CNTNAP2: variants seen among roughly 807,000 people sequenced by gnomAD.
CNTNAP2 encodes contactin-associated protein-like 2.
CNTNAP2 carries 98 observed loss-of-function variants against 155.2 expected under a neutral mutation model. The observed-to-expected ratio is 0.63, with a 90% CI of 0.54 to 0.75. CNTNAP2 has a LOEUF of 0.75. Ranked by LOEUF, CNTNAP2 falls within the 30% of genes least tolerant of loss-of-function variation. The pLI, the probability that CNTNAP2 is intolerant of heterozygous loss-of-function variation, is 0.00. For synonymous variants in CNTNAP2, 651 were observed against 631.2 expected (o/e 1.03, Z -0.47); for missense variants, 1,727 against 1,688.1 (o/e 1.02, Z -0.40).
intron 1 of CNTNAP2, among the ~76,000 whole-genome samples, chr7:146,388,091 TA>T (rs1234007165): frequency 6.6e-5 from 10 of 151,766 alleles, no homozygotes; most frequent in African/African-American, 2.2e-4. Context: ...AGTTTCTTTT[TA>T]TTTTTTTTTT....
intron 3 of CNTNAP2, among the ~76,000 whole-genome samples, chr7:146,893,922 C>A (rs543456539): frequency 1.3e-5 from 2 of 152,212 alleles, no homozygotes; most frequent in South Asian, 2.1e-4. Flanking sequence ...GGGTACAAAC[C>A]GAGCTATGTA....
Position 148,058,411 on chromosome 7 carries a change from G to A in CNTNAP2, c.2384-59707G>A, listed in dbSNP as rs893446647. 4.3e-4 allele frequency among the ~76,000 whole-genome samples: 65 copies of A among 152,124 alleles called. 1 individual carries two copies. Among genetic ancestry groups the A allele is most frequent in the Non-Finnish European group, 2.5e-4 (17 of 68,028 alleles). On this transcript the variant is annotated intron_variant, in intron 15 of 23. Coordinates refer to ENST00000361727, the MANE Select transcript of CNTNAP2 (RefSeq NM_014141.6). ...GCAGCCTACCTCCAGGGCCCTTCTCGTTTTGCCTGGGAATGTCCTGGGTGG... is the reference window on the plus strand; with the variant it reads ...GCAGCCTACCTCCAGGGCCCTTCTCATTTTGCCTGGGAATGTCCTGGGTGG...
chr7:146,205,528 T>C (rs1362996297), intron 1 of CNTNAP2, among the ~76,000 whole-genome samples: 2 of 151,870 alleles, frequency 1.3e-5, no homozygotes, highest in African/African-American at 4.8e-5. Flanking sequence ...TGTAGTGCTA[T>C]AGCAATTTTG....
chr7:148,055,111 T>C (rs6955496), intron 15 of CNTNAP2, among the ~76,000 whole-genome samples: 30 of 152,098 alleles, frequency 2.0e-4, no homozygotes, highest in African/African-American at 7.2e-4. Context: ...CTCAAACTCC[T>C]GACCTCAGGT....
rs547101784 is a variant in CNTNAP2 at position 146,473,489 on chromosome 7, A to T, written c.98-300782A>T. On this transcript the variant is annotated intron_variant, in intron 1 of 23. Transcript: ENST00000361727. The stretch of plus-strand genomic sequence containing the variant: ...TTCTATCTTTCCTGTCCCTCAGGAA[A>T]CCAAATAACTCATTGGATGTTTGAG... Among the ~76,000 whole-genome samples, 13 of 152,232 alleles carry T rather than the reference A, an allele frequency of 8.5e-5. No individual in the cohort carries two copies. In the East Asian group the frequency reaches 2.5e-3, roughly 29 times the overall value.
chr7:147,132,524 T>C lies in CNTNAP2; in HGVS notation c.1348+15T>C. On this transcript the variant is annotated intron_variant, in intron 8 of 23. Transcript: ENST00000361727. ...TATTTCCTCAGGTCAGTGAAACCTA[T>C]TTGACATTTGTTCCTGAAACTTATT... is the stretch of plus-strand genomic sequence containing the variant. 1 of 1,613,320 alleles carries C rather than the reference T, an allele frequency of 6.2e-7. No homozygotes were observed. The highest frequency in any genetic ancestry group is 8.5e-7 in the Non-Finnish European group (1 of 1,179,506).
intron 1 of CNTNAP2, among the ~76,000 whole-genome samples, chr7:146,369,029 G>GTATATATATA (rs71525943): frequency 1.5e-5 from 2 of 137,372 alleles, no homozygotes; most frequent in African/African-American, 5.4e-5. Flanking sequence ...AAAGCATTAT[G>GTATATATATA]TATATATATA....
chr7:147,562,074 G>A (rs1800074157), intron 11 of CNTNAP2, 64 bp from the exon 12 acceptor site: 1 of 1,609,478 alleles, frequency 6.2e-7, no homozygotes, highest in Non-Finnish European at 8.5e-7. Context: ...ATGCCACTGG[G>A]ACATTTATCT....
At chr7:147,563,856 C>A (rs1400066982) in intron 12 of CNTNAP2, among the ~76,000 whole-genome samples, 1 of 152,028 alleles carries the variant, frequency 6.6e-6, no homozygotes, top group Non-Finnish European at 1.5e-5. Flanking sequence ...GAACTGAAAA[C>A]CATGAATGGT....
intron 15 of CNTNAP2, among the ~76,000 whole-genome samples, chr7:147,997,296 G>GT: frequency 6.6e-6 from 1 of 152,312 alleles, no homozygotes; most frequent in Middle Eastern, 3.4e-3. Flanking sequence ...GCTCAGGCCT[G>GT]TAATCCCAGC....
intron 1 of CNTNAP2, among the ~76,000 whole-genome samples, chr7:146,336,208 A>G (rs1801271887): frequency 6.6e-6 from 1 of 151,988 alleles, no homozygotes; most frequent in South Asian, 2.1e-4. Flanking sequence ...TAAAAAAAAA[A>G]AAAAAAGTAA....
chr7:147,443,139 C>T (rs546561162), intron 10 of CNTNAP2, among the ~76,000 whole-genome samples: 6 of 152,048 alleles, frequency 3.9e-5, no homozygotes, highest in Non-Finnish European at 7.3e-5. Context: ...TATTTAGGGC[C>T]GGGCCTCAGG....
rs570603574 is a variant in CNTNAP2, at chr7:146,470,572, A to G, written c.98-303699A>G. The stretch of plus-strand genomic sequence containing the variant: ...TAACTGCCATATTTTATTTTATTTT[A>G]TTTTGTTTCATTTGTTGAGACGGAA... On this transcript the variant is annotated intron_variant, in intron 1 of 23. Transcript: ENST00000361727. 3.3e-5 allele frequency among the ~76,000 whole-genome samples: 5 copies of G among 151,430 alleles called. No homozygotes were observed. In the South Asian group the frequency reaches 8.4e-4, roughly 25 times the overall value.
chr7:146,763,108 C>T (rs1209479049), intron 1 of CNTNAP2, among the ~76,000 whole-genome samples: 1 of 152,188 alleles, frequency 6.6e-6, no homozygotes, highest in East Asian at 1.9e-4. Flanking sequence ...GCAAAGTTGG[C>T]TTCCATCCCA....
chr7:146,767,794 G>A (rs527589694), intron 1 of CNTNAP2, among the ~76,000 whole-genome samples: 4 of 152,136 alleles, frequency 2.6e-5, no homozygotes, highest in East Asian at 3.9e-4. Context: ...AATCTAGAAC[G>A]ACTGGGTCAA....
chr7:147,221,245 C>T (rs1803393084), intron 8 of CNTNAP2, among the ~76,000 whole-genome samples: 1 of 152,056 alleles, frequency 6.6e-6, no homozygotes, highest in Non-Finnish European at 1.5e-5. Flanking sequence ...ATTAAGTATA[C>T]ATAATTAAAT....
intron 1 of CNTNAP2, among the ~76,000 whole-genome samples, chr7:146,190,805 AAAG>A (rs1798692136): frequency 6.6e-6 from 1 of 152,160 alleles, no homozygotes; most frequent in Non-Finnish European, 1.5e-5. Flanking sequence ...TTTTTAATGA[AAAG>A]AAGAAGACAG....
At chr7:147,093,737 T>A (rs1031373019) in intron 4 of CNTNAP2, among the ~76,000 whole-genome samples, 2 of 152,114 alleles carry the variant, frequency 1.3e-5, no homozygotes, top group Non-Finnish European at 2.9e-5. Flanking sequence ...CTCCAAAGTC[T>A]CATCTAAATA....
chr7:146,483,425 A>T (rs1332712527), intron 1 of CNTNAP2, among the ~76,000 whole-genome samples: 2 of 148,078 alleles, frequency 1.4e-5, no homozygotes, highest in Non-Finnish European at 3.0e-5. Flanking sequence ...TAAATAAGTG[A>T]GGGTCAGATA....
Sources: allele counts gnomAD v4.1 joint callset (sites outside exome capture counted in the v4.1 genomes callset), GRCh38; gene constraint gnomAD v4.1.1; transcripts MANE v1.5; gene names NCBI Gene and HGNC (gene_info 2026-07-23, HGNC 2026-07-21).